FAM234A: variants seen among roughly 807,000 people sequenced by gnomAD.
FAM234A encodes protein FAM234A.
In FAM234A, 42 loss-of-function variants were observed where a neutral mutation model predicts 49.1. That is an observed-to-expected ratio of 0.86 (90% CI 0.67 to 1.11). The LOEUF (loss-of-function observed/expected upper bound fraction) is 1.11. Among genes scored for constraint, FAM234A ranks in the 50% least tolerant of loss-of-function variants. FAM234A has a pLI of 0.00. For synonymous variants in FAM234A, 369 were observed against 316.2 expected (o/e 1.17, Z -1.77); for missense variants, 815 against 745.2 (o/e 1.09, Z -1.09).
Position 265,792 on chromosome 16 carries a change from C to A in FAM234A, c.*770C>A. ...ATCCCAAGGAACTGGCTGTGGAATG[C>A]GTGTTTGGGTCAGTCTGTGCCCTCT... On this transcript the variant is annotated 3_prime_UTR_variant, in exon 13 of 13. Transcript: ENST00000399932. The A allele has an allele frequency of 2.0e-6, 2 of 985,678 alleles. No individual in the cohort carries two copies. The highest frequency in any genetic ancestry group is 2.4e-6 in the Non-Finnish European group (2 of 830,068). 61.1% of individuals were successfully genotyped at this position (985,678 alleles called of 1,614,324 possible).
intron 1 of FAM234A, among the ~76,000 whole-genome samples, chr16:241,333 G>A (rs2050605133): frequency 6.6e-6 from 1 of 151,750 alleles, no homozygotes; most frequent in Non-Finnish European, 1.5e-5. Context: ...TGTCATTCTA[G>A]CACTTCGGGA....
intron 1 of FAM234A, 27 bp downstream of exon 1, chr16:234,884 GCGTGCAC>G (rs2050341545): frequency 6.6e-6 from 1 of 152,258 alleles, no homozygotes; most frequent in East Asian, 1.9e-4. Flanking sequence ...TCGTACTCGC[GCGTGCAC>G]GCCGCAGGGG....
rs754664273 is a variant in FAM234A at position 254,608 on chromosome 16, C to T, written c.195C>T (p.Val65=). ...TTCTCTGCCTTTTTGTGGTGTTCGT[C>T]GTCTCATTCGTCATCCCGTGTCCAG... ...SLFLCLFVVF[V]VSFVIPCPDR... is the part of the protein sequence containing the mutation. The change falls in exon 3 of 13, where the codon GTC becomes GTT. Residue 65 remains valine, a synonymous_variant. Transcript: ENST00000399932. 1.3e-5 allele frequency: 21 copies of T among 1,608,190 alleles called. No homozygotes were observed. Among genetic ancestry groups the T allele is most frequent in the Non-Finnish European group, 1.8e-5 (21 of 1,177,230 alleles).
At position 265,650 on chromosome 16, in the gene FAM234A, G is replaced by A; in HGVS notation, c.*628G>A. 6 of 985,490 alleles carry A rather than the reference G, an allele frequency of 6.1e-6. No homozygotes were observed. The highest frequency in any genetic ancestry group is 7.2e-6 in the Non-Finnish European group (6 of 830,024). 61.0% of individuals were successfully genotyped at this position (985,490 alleles called of 1,614,324 possible). Reference sequence around the variant, plus strand: ...TTGACCAGGTCCTGTGAGGAAGCCTGGAGCAAGGGTCTCCCCCAGCAGGAT... The same window carrying A: ...TTGACCAGGTCCTGTGAGGAAGCCTAGAGCAAGGGTCTCCCCCAGCAGGAT... On this transcript the variant is annotated 3_prime_UTR_variant, in exon 13 of 13. Coordinates refer to ENST00000399932, the MANE Select transcript of FAM234A (RefSeq NM_032039.4).
chr16:259,201 A>AGG (rs1198813318), intron 3 of FAM234A, among the ~76,000 whole-genome samples: 2 of 152,188 alleles, frequency 1.3e-5, no homozygotes, highest in African/African-American at 4.8e-5. Flanking sequence ...CCCCTGGTCT[A>AGG]GGGAGGGATT....
chr16:236,614 CAAAAT>C (rs1327652937), intron 1 of FAM234A, among the ~76,000 whole-genome samples: 1 of 139,424 alleles, frequency 7.2e-6, no homozygotes, highest in Non-Finnish European at 1.5e-5. Flanking sequence ...GAGACTGTCT[CAAAAT>C]AAATAGGCCG....
downstream of FAM234A, among the ~76,000 whole-genome samples, chr16:267,305 C>T (rs1448652723): frequency 2.6e-5 from 4 of 152,028 alleles, 1 homozygote; most frequent in African/African-American, 9.7e-5. Flanking sequence ...AGCACAGTGC[C>T]CTGGCTGTCT....
At chr16:247,860 C>T (rs1376616918) in intron 1 of FAM234A, among the ~76,000 whole-genome samples, 1 of 152,084 alleles carries the variant, frequency 6.6e-6, no homozygotes, top group East Asian at 1.9e-4. Context: ...AATGATGATC[C>T]TCCCAAAAAT....
intron 2 of FAM234A, among the ~76,000 whole-genome samples, chr16:250,887 C>G (rs564642751): frequency 6.6e-6 from 1 of 152,206 alleles, no homozygotes; most frequent in African/African-American, 2.4e-5. Context: ...GAAAAACACA[C>G]CACTGCATTA....
At chr16:239,805 T>C (rs1407620614) in intron 1 of FAM234A, among the ~76,000 whole-genome samples, 2 of 152,168 alleles carry the variant, frequency 1.3e-5, no homozygotes, top group South Asian at 2.1e-4. Flanking sequence ...TCTCAAGTAC[T>C]GTAAAAGTTT....
At position 254,466 on chromosome 16, in the gene FAM234A, A is replaced by C; in HGVS notation, c.53A>C (p.Glu18Ala). Residue 18 changes from glutamate (E) to alanine (A), a missense_variant, in exon 3 of 13, where the codon GAA becomes GCA. By Grantham distance (107) the Glu-to-Ala change is moderately radical. Coordinates refer to ENST00000399932, the MANE Select transcript of FAM234A (RefSeq NM_032039.4). ...GAAATCCACCCCTTGAAAAATGAAG[A>C]AAGAAAATCGCAGGAAAATCTGGGA... ...EAEIHPLKNE[E>A]RKSQENLGNP... is the part of the protein sequence containing the mutation. 2 of 1,614,232 alleles carry C rather than the reference A, an allele frequency of 1.2e-6. No homozygotes were observed. The highest frequency in any genetic ancestry group is 1.7e-6 in the Non-Finnish European group (2 of 1,180,042).
intron 1 of FAM234A, among the ~76,000 whole-genome samples, chr16:248,576 T>C (rs1488185150): frequency 1.3e-5 from 2 of 151,966 alleles, no homozygotes; most frequent in East Asian, 3.9e-4. Flanking sequence ...CTCTTGAGCC[T>C]GGGAGCCACA....
In FAM234A at chr16:262,967, G is replaced by A. The variant is rs576588848; in HGVS notation, c.972-295G>A. ...CCCGAGTAGCTGGGATTACAGGCGC[G>A]CACCTCCACGCCCAGCTAATTTTTG... On this transcript the variant is annotated intron_variant, in intron 8 of 12. Transcript: ENST00000399932. 5.3e-5 allele frequency among the ~76,000 whole-genome samples: 8 copies of A among 151,966 alleles called. No individual in the cohort carries two copies. In the East Asian group the frequency reaches 5.8e-4, roughly 11 times the overall value.
intron 1 of FAM234A, 37 bp downstream of exon 1, chr16:234,894 C>T (rs941996464): frequency 1.3e-5 from 2 of 152,280 alleles, no homozygotes; most frequent in Non-Finnish European, 2.9e-5. Flanking sequence ...GCGTGCACGC[C>T]GCAGGGGCGC....
At chr16:245,701 A>C (rs1023523386) in intron 1 of FAM234A, among the ~76,000 whole-genome samples, 4 of 152,272 alleles carry the variant, frequency 2.6e-5, no homozygotes, top group Admixed American at 2.0e-4. Context: ...TGAATGTTTT[A>C]AGAAAGTTTC....
chr16:248,026 A>G (rs2050874950), intron 1 of FAM234A, among the ~76,000 whole-genome samples: 3 of 151,976 alleles, frequency 2.0e-5, no homozygotes, highest in Admixed American at 2.0e-4. Context: ...AATTGCCTGC[A>G]TTGTTTTGCG....
rs1210272621 is a variant in FAM234A at position 238,775 on chromosome 16, A to G, written c.-140+3918A>G. Among the ~76,000 whole-genome samples the G allele has an allele frequency of 6.5e-3, 936 of 143,204 alleles. 15 individuals are homozygous for G. The highest frequency in any genetic ancestry group is 0.023 in the African/African-American group (901 of 38,444). The allele number at this position is 143,204 out of a possible 152,430, so 93.9% of individuals were successfully genotyped here. The stretch of plus-strand genomic sequence containing the variant: ...AGTGAGACTCCGTCTCAAAAAAAAA[A>G]AAAAAAAAAAAGAAAAAAAAAATCC... On this transcript the variant is annotated intron_variant, in intron 1 of 12. Transcript: ENST00000399932.
At position 260,000 on chromosome 16, in the gene FAM234A, T is replaced by C. The variant is rs756137022; in HGVS notation, c.417T>C (p.Ala139=). ...GFSSPCTFAA[A]VSGANGSTLW... ...CCTCTCCCTGCACCTTTGCAGCTGC[T>C]GTGTCGGGGGCCAACGGCAGCACGC... Residue 139 remains alanine (A), a synonymous_variant, in exon 5 of 13, where the codon GCT becomes GCC. Transcript: ENST00000399932. 6 of 1,613,674 alleles carry C rather than the reference T, an allele frequency of 3.7e-6. No homozygotes were observed. Among genetic ancestry groups the C allele is most frequent in the Non-Finnish European group, 5.1e-6 (6 of 1,180,004 alleles).
chr16:264,771 G>T, intron 12 of FAM234A, 40 bp from the exon 13 acceptor site: 2 of 1,607,158 alleles, frequency 1.2e-6, no homozygotes, highest in Non-Finnish European at 8.5e-7. Flanking sequence ...GCCCTGGCTG[G>T]TCCTGAGCCG....
Sources: gnomAD v4.1 joint callset for allele counts (sites outside exome capture counted in the v4.1 genomes callset) on GRCh38, gnomAD v4.1.1 for gene constraint, MANE v1.5 for transcripts, NCBI Gene and HGNC (gene_info 2026-07-23, HGNC 2026-07-21) for gene names.